Variants in C3orf20 observed in about 807,000 individuals in gnomAD.
C3orf20 encodes the protein uncharacterized protein C3orf20.
C3orf20 carries 76 observed loss-of-function variants against 88.3 expected under a neutral mutation model. That is an observed-to-expected ratio of 0.86 (90% CI 0.72 to 1.04). The LOEUF (loss-of-function observed/expected upper bound fraction) is 1.04. C3orf20 is among the 50% of genes least tolerant of loss of function. C3orf20 has a pLI of 0.00. For synonymous variants in C3orf20, 436 were observed against 437.4 expected (o/e 1.00, Z 0.04); for missense variants, 1,056 against 1,123.3 (o/e 0.94, Z 0.86).
At chr3:14,750,663 G>A (rs1402110630) in intron 12 of C3orf20, among the ~76,000 whole-genome samples, 1 of 151,704 alleles carries the variant, frequency 6.6e-6, no homozygotes, top group Non-Finnish European at 1.5e-5. Context: ...AATTTCTCAT[G>A]AGTAATTGGC....
intron 13 of C3orf20, 109 bp from the exon 14 acceptor site, chr3:14,759,782 G>A (rs188532590): frequency 3.5e-6 from 3 of 850,664 alleles, no homozygotes; most frequent in Non-Finnish European, 5.8e-6. Flanking sequence ...AGAGGGAGTT[G>A]TACAGGGCTC....
rs111412996 is a variant in C3orf20, at chr3:14,751,930, C to G, written c.1941-5441C>G. 9.6e-3 allele frequency among the ~76,000 whole-genome samples: 1,458 copies of G among 152,284 alleles called. 8 individuals are homozygous for G. Among genetic ancestry groups the G allele is most frequent in the Non-Finnish European group, 0.015 (994 of 68,014 alleles). ...CCCAAGATAATTTATACATTCAATG[C>G]TATCCCCATCAAGCTACCACTGACT... On this transcript the variant is annotated intron_variant, in intron 12 of 16. Coordinates refer to ENST00000253697, the MANE Select transcript of C3orf20 (RefSeq NM_032137.5).
At chr3:14,716,783 G>A (rs183043864) in intron 9 of C3orf20, among the ~76,000 whole-genome samples, 21 of 152,222 alleles carry the variant, frequency 1.4e-4, no homozygotes, top group East Asian at 9.7e-4. Flanking sequence ...CTCTGGCTGC[G>A]TATCAGAGTC....
intron 12 of C3orf20, among the ~76,000 whole-genome samples, chr3:14,738,103 A>G (rs1559431807): frequency 1.3e-5 from 2 of 151,648 alleles, no homozygotes; most frequent in African/African-American, 4.9e-5. Context: ...GGTTGGAGTC[A>G]ATTTCTTCCA....
rs528461914 is a variant in C3orf20, at chr3:14,686,997, G to A, written c.625+2615G>A. ...AAGATTTCATGAAGTCAATGAAAGT[G>A]ATGCTGGAGAGCTGCAGAATGCCCC... On this transcript the variant is annotated intron_variant, in intron 4 of 16. Transcript: ENST00000253697. Among the ~76,000 whole-genome samples the A allele has an allele frequency of 4.6e-5, 7 of 152,350 alleles. No individual in the cohort carries two copies. The South Asian group carries it at 1.2e-3, about 27-fold the overall frequency.
At chr3:14,726,799 T>G in intron 10 of C3orf20, 102 bp from the exon 11 acceptor site, 1 of 1,529,548 alleles carries the variant, frequency 6.5e-7, no homozygotes, top group Non-Finnish European at 8.9e-7. Context: ...GGGCAGGCAA[T>G]AGCACATCCT....
At chr3:14,732,366 A>T (rs2034563857) in intron 12 of C3orf20, among the ~76,000 whole-genome samples, 1 of 152,160 alleles carries the variant, frequency 6.6e-6, no homozygotes, top group Non-Finnish European at 1.5e-5. Context: ...AAAGTTCTTT[A>T]TTCTGGGTAT....
chr3:14,709,252 A>AT (rs1232395991), intron 7 of C3orf20, among the ~76,000 whole-genome samples: 7 of 152,222 alleles, frequency 4.6e-5, no homozygotes, highest in Admixed American at 3.9e-4. Flanking sequence ...TTTGCTGTAG[A>AT]TTTTTTTGTG....
chr3:14,746,038 A>G (rs1472893368), intron 12 of C3orf20, among the ~76,000 whole-genome samples: 1 of 152,196 alleles, frequency 6.6e-6, no homozygotes, highest in Non-Finnish European at 1.5e-5. Flanking sequence ...TTCTGTCTCT[A>G]TGAATTTGCC....
Position 14,757,460 on chromosome 3 carries a change from A to G in C3orf20, c.2030A>G (p.Glu677Gly), listed in dbSNP as rs1371550351. The G allele has an allele frequency of 6.2e-7, 1 of 1,612,964 alleles. No individual in the cohort carries two copies. Among genetic ancestry groups the G allele is most frequent in the South Asian group, 1.1e-5 (1 of 91,030 alleles). The part of the protein sequence containing the change: ...PLVLRKLMLK[E>G]DTRAGCKCLV... ...GTGCTGCGGAAGCTCATGCTCAAGGAAGACACCCGTGCTGGCTGCAAGTGC... is the reference window on the plus strand; with the variant it reads ...GTGCTGCGGAAGCTCATGCTCAAGGGAGACACCCGTGCTGGCTGCAAGTGC... Residue 677 changes from glutamate (E) to glycine (G), a missense_variant, in exon 13 of 17, where the codon GAA becomes GGA. Coordinates refer to ENST00000253697, the MANE Select transcript of C3orf20 (RefSeq NM_032137.5).
At chr3:14,722,744 T>A (rs1575126191) in intron 10 of C3orf20, among the ~76,000 whole-genome samples, 1 of 152,168 alleles carries the variant, frequency 6.6e-6, no homozygotes. Flanking sequence ...TTACCAAATA[T>A]TTTTTGGGTG....
At chr3:14,710,689 A>G (rs919206623) in intron 7 of C3orf20, among the ~76,000 whole-genome samples, 4 of 152,090 alleles carry the variant, frequency 2.6e-5, no homozygotes, top group African/African-American at 9.7e-5. Context: ...TTCCATTGTG[A>G]CCAAAGGAGA....
At chr3:14,692,458 T>C (rs2032781863) in intron 5 of C3orf20, among the ~76,000 whole-genome samples, 1 of 152,214 alleles carries the variant, frequency 6.6e-6, no homozygotes, top group Non-Finnish European at 1.5e-5. Context: ...TGAGATGATA[T>C]CACCTTGTAG....
At chr3:14,720,316 C>T (rs1003677531) in intron 9 of C3orf20, among the ~76,000 whole-genome samples, 2 of 152,170 alleles carry the variant, frequency 1.3e-5, no homozygotes, top group South Asian at 4.1e-4. Context: ...AGGTGTGAGC[C>T]ACCGTGCCCG....
chr3:14,742,083 A>G (rs2034916615), intron 12 of C3orf20, among the ~76,000 whole-genome samples: 1 of 152,232 alleles, frequency 6.6e-6, no homozygotes, highest in South Asian at 2.1e-4. Context: ...CAAGAGTGGA[A>G]GCAAACTAGT....
At position 14,723,518 on chromosome 3, in the gene C3orf20, G is replaced by A. The variant is rs138954496; in HGVS notation, c.1566+1734G>A. 5.8e-3 allele frequency among the ~76,000 whole-genome samples: 880 copies of A among 152,356 alleles called. 3 individuals carry two copies. Among genetic ancestry groups the A allele is most frequent in the Non-Finnish European group, 9.2e-3 (626 of 68,044 alleles). ...CTGAAATTCTCTCAATCTAATGGAA[G>A]AGGCAAAAGCATGGGCACCAATGAT... On this transcript the variant is annotated intron_variant, in intron 10 of 16. Coordinates refer to ENST00000253697, the MANE Select transcript of C3orf20 (RefSeq NM_032137.5).
At chr3:14,737,602 G>C (rs916792855) in intron 12 of C3orf20, among the ~76,000 whole-genome samples, 1 of 152,252 alleles carries the variant, frequency 6.6e-6, no homozygotes, top group Non-Finnish European at 1.5e-5. Flanking sequence ...TTTGCTGGTG[G>C]AGTGTCTTGC....
intron 5 of C3orf20, among the ~76,000 whole-genome samples, chr3:14,691,558 G>A (rs867744498): frequency 1.3e-5 from 2 of 152,112 alleles, no homozygotes; most frequent in South Asian, 4.1e-4. Flanking sequence ...GGTCAACTGC[G>A]GTCCAAAAAT....
intron 10 of C3orf20, among the ~76,000 whole-genome samples, chr3:14,726,094 C>G (rs2034336359): frequency 6.6e-6 from 1 of 152,204 alleles, no homozygotes; most frequent in South Asian, 2.1e-4. Flanking sequence ...TCCTGGGAAA[C>G]AGACTGTGGA....
Sources: gnomAD v4.1 joint callset for allele counts (sites outside exome capture counted in the v4.1 genomes callset) on GRCh38, gnomAD v4.1.1 for gene constraint, MANE v1.5 for transcripts, NCBI Gene and HGNC (gene_info 2026-07-23, HGNC 2026-07-21) for gene names.